Variants in KCNQ1OT1 observed in about 807,000 individuals in gnomAD.
KCNQ1OT1 encodes KCNQ1 opposite strand/antisense transcript 1, also known as KCNQ1 antisense RNA 2 (non-protein coding).
Position 2,674,968 on chromosome 11 carries a change from C to T in KCNQ1OT1, n.25027G>A, listed in dbSNP as rs910441727. 2.5e-6 allele frequency: 1 copy of T among 397,592 alleles called. No individual in the cohort carries two copies. Among genetic ancestry groups the T allele is most frequent in the Non-Finnish European group, 4.4e-6 (1 of 225,952 alleles). The allele number at this position is 397,592 out of a possible 1,614,324, so 24.6% of individuals were successfully genotyped here. A position where few individuals can be genotyped will look rare whatever the true frequency, so the allele number is the denominator to read the frequency against. ...GGGGCTGACTGGAGCTGTTTCTCTT[C>T]GTTTCCTCTTACAGTGGCGGGCACT... is the stretch of plus-strand genomic sequence containing the variant. On this transcript the variant is annotated non_coding_transcript_exon_variant, in exon 1 of 1. Coordinates refer to ENST00000597346, the Ensembl canonical transcript of KCNQ1OT1. The surrounding 1 kb of genome is among the most constrained non-coding windows in gnomAD (Gnocchi z 5.9).
At position 2,617,071 on chromosome 11, in the gene KCNQ1OT1, T is replaced by C; in HGVS notation, n.82924A>G. On this transcript the variant is annotated non_coding_transcript_exon_variant, in exon 1 of 1. Transcript: ENST00000597346. The surrounding 1 kb of genome is among the most constrained non-coding windows in gnomAD (Gnocchi z 4.6). Reference sequence around the variant, plus strand: ...TATGTCCATCATCTCACAGTTATTCTTTTGTGTGTATGAGTGAGAAAAGCT... The same window carrying C: ...TATGTCCATCATCTCACAGTTATTCCTTTGTGTGTATGAGTGAGAAAAGCT... 1 of 398,306 alleles carries C rather than the reference T, an allele frequency of 2.5e-6. No individual in the cohort carries two copies. Among genetic ancestry groups the C allele is most frequent in the Middle Eastern group, 6.3e-4 (1 of 1,584 alleles). The allele number at this position is 398,306 out of a possible 1,614,324, so 24.7% of individuals were successfully genotyped here. A position where few individuals can be genotyped will look rare whatever the true frequency, so the allele number is the denominator to read the frequency against.
chr11:2,656,899 T>C (rs1421345446), exon 1 of KCNQ1OT1: 8 of 398,514 alleles, frequency 2.0e-5, no homozygotes, highest in Admixed American at 4.4e-5. Flanking sequence ...TTTTGGTATA[T>C]GATGTGAGGT....
Position 2,624,368 on chromosome 11 carries a change from T to A in KCNQ1OT1, n.75627A>T. The stretch of plus-strand genomic sequence containing the variant: ...AGTATTGTCTCCCTTCTGTGGCCTG[T>A]CCTTTCATCCTCTTGACAGTATGTT... On this transcript the variant is annotated non_coding_transcript_exon_variant, in exon 1 of 1. Transcript: ENST00000597346. This position sits in a 1 kb window ranked among gnomAD's most constrained non-coding sequence, Gnocchi z 4.9. 7.5e-6 allele frequency: 3 copies of A among 398,568 alleles called. No homozygotes were observed. Among genetic ancestry groups the A allele is most frequent in the East Asian group, 3.6e-5 (1 of 28,052 alleles). The allele number at this position is 398,568 out of a possible 1,614,324, so 24.7% of individuals were successfully genotyped here.
exon 1 of KCNQ1OT1, chr11:2,650,039 T>G: frequency 2.5e-6 from 1 of 398,466 alleles, no homozygotes; most frequent in Non-Finnish European, 4.4e-6. Context: ...TCTTCAAATT[T>G]AGAAATTATT....
chr11:2,625,630 C>T lies in KCNQ1OT1; in HGVS notation n.74365G>A, dbSNP rs574412772. On this transcript the variant is annotated non_coding_transcript_exon_variant, in exon 1 of 1. Transcript: ENST00000597346. ...CTCACTCTGTTGCCCAAGCTGAGTG[C>T]AGTGGTGCCATCTCGGCTTACTGCA... 7.6e-6 allele frequency: 3 copies of T among 393,720 alleles called. No homozygotes were observed. In the Admixed American group the frequency reaches 1.4e-4, roughly 18 times the overall value. 24.4% of individuals were successfully genotyped at this position (393,720 alleles called of 1,614,324 possible). A position where few individuals can be genotyped will look rare whatever the true frequency, so the allele number is the denominator to read the frequency against.
exon 1 of KCNQ1OT1, chr11:2,699,370 G>T (rs1242272966): frequency 2.3e-5 from 9 of 399,750 alleles, no homozygotes; most frequent in Non-Finnish European, 2.6e-5. Flanking sequence ...CGTCCGCCCA[G>T]GTCCGTGCTG....
Position 2,624,435 on chromosome 11 carries a change from T to C in KCNQ1OT1, n.75560A>G. The C allele has an allele frequency of 7.5e-6, 3 of 398,506 alleles. No homozygotes were observed. Among genetic ancestry groups the C allele is most frequent in the Non-Finnish European group, 1.3e-5 (3 of 226,016 alleles). 24.7% of individuals were successfully genotyped at this position (398,506 alleles called of 1,614,324 possible). Reference sequence around the variant, plus strand: ...TTTATTTTTAACAAAGTCTAGCTTATCAATTATTTCTTTCATGAATCATGC... The same window carrying C: ...TTTATTTTTAACAAAGTCTAGCTTACCAATTATTTCTTTCATGAATCATGC... On this transcript the variant is annotated non_coding_transcript_exon_variant, in exon 1 of 1. Transcript: ENST00000597346. This position sits in a 1 kb window ranked among gnomAD's most constrained non-coding sequence, Gnocchi z 4.9.
chr11:2,653,646 A>C lies in KCNQ1OT1; in HGVS notation n.46349T>G, dbSNP rs919790507. 1.0e-5 allele frequency: 4 copies of C among 398,526 alleles called. No individual in the cohort carries two copies. Among genetic ancestry groups the C allele is most frequent in the African/African-American group, 6.2e-5 (3 of 48,614 alleles). 24.7% of individuals were successfully genotyped at this position (398,526 alleles called of 1,614,324 possible). Reference sequence around the variant, plus strand: ...TATCCTTAGGCAGCTACTTTCTAAAAGGGGCAAAATGGCCACCAGCTTGCA... The same window carrying C: ...TATCCTTAGGCAGCTACTTTCTAAACGGGGCAAAATGGCCACCAGCTTGCA... On this transcript the variant is annotated non_coding_transcript_exon_variant, in exon 1 of 1. Transcript: ENST00000597346. This position sits in a 1 kb window ranked among gnomAD's most constrained non-coding sequence, Gnocchi z 5.3.
At position 2,669,312 on chromosome 11, in the gene KCNQ1OT1, A is replaced by AT; in HGVS notation, n.30682dup. On this transcript the variant is annotated non_coding_transcript_exon_variant, in exon 1 of 1. Coordinates refer to ENST00000597346, the Ensembl canonical transcript of KCNQ1OT1. The surrounding 1 kb of genome is among the most constrained non-coding windows in gnomAD (Gnocchi z 5.6). ...CCTCACCATACATATGCCAGTTGCC[A>AT]TGGAAAGCCTCCTCTAGGCGCAGCA... The AT allele has an allele frequency of 2.5e-6, 1 of 398,604 alleles. No individual in the cohort carries two copies. The highest frequency in any genetic ancestry group is 4.4e-6 in the Non-Finnish European group (1 of 226,072). 24.7% of individuals were successfully genotyped at this position (398,604 alleles called of 1,614,324 possible). A position where few individuals can be genotyped will look rare whatever the true frequency, so the allele number is the denominator to read the frequency against.
Position 2,653,299 on chromosome 11 carries a change from T to C in KCNQ1OT1, n.46696A>G, listed in dbSNP as rs558032469. ...CTAGTGGGGGCAGTGCAGACCAGTTTAGCTATTTTGTAACCTTGACTGCCC... is the reference window on the plus strand; with the variant it reads ...CTAGTGGGGGCAGTGCAGACCAGTTCAGCTATTTTGTAACCTTGACTGCCC... On this transcript the variant is annotated non_coding_transcript_exon_variant, in exon 1 of 1. Coordinates refer to ENST00000597346, the Ensembl canonical transcript of KCNQ1OT1. The surrounding 1 kb of genome is among the most constrained non-coding windows in gnomAD (Gnocchi z 5.3). 1.8e-4 allele frequency: 72 copies of C among 398,574 alleles called. No individual in the cohort carries two copies. The highest frequency in any genetic ancestry group is 3.0e-4 in the Non-Finnish European group (67 of 226,108). 24.7% of individuals were successfully genotyped at this position (398,574 alleles called of 1,614,324 possible). A position where few individuals can be genotyped will look rare whatever the true frequency, so the allele number is the denominator to read the frequency against.
Position 2,657,913 on chromosome 11 carries a change from A to T in KCNQ1OT1, n.42082T>A. 2.5e-6 allele frequency: 1 copy of T among 398,612 alleles called. No individual in the cohort carries two copies. Among genetic ancestry groups the T allele is most frequent in the Non-Finnish European group, 4.4e-6 (1 of 226,058 alleles). 24.7% of individuals were successfully genotyped at this position (398,612 alleles called of 1,614,324 possible). A position where few individuals can be genotyped will look rare whatever the true frequency, so the allele number is the denominator to read the frequency against. On this transcript the variant is annotated non_coding_transcript_exon_variant, in exon 1 of 1. Coordinates refer to ENST00000597346, the Ensembl canonical transcript of KCNQ1OT1. This position sits in a 1 kb window ranked among gnomAD's most constrained non-coding sequence, Gnocchi z 4.8. ...GATGCTTTCCTCATTGTGGAACATG[A>T]CATCAACATGGTTTATCACTGGTAA... is the stretch of plus-strand genomic sequence containing the variant.
rs1849306335 is a variant in KCNQ1OT1, at chr11:2,628,919, G to C, written n.71076C>G. On this transcript the variant is annotated non_coding_transcript_exon_variant, in exon 1 of 1. Transcript: ENST00000597346. ...TTGGTGTCTTTGTCAAAGATTAGTT[G>C]ACCATAAATGTGTGGGTTTATTTCT... 5 of 398,218 alleles carry C rather than the reference G, an allele frequency of 1.3e-5. No homozygotes were observed. The East Asian group carries it at 1.8e-4, about 14-fold the overall frequency. 24.7% of individuals were successfully genotyped at this position (398,218 alleles called of 1,614,324 possible). A position where few individuals can be genotyped will look rare whatever the true frequency, so the allele number is the denominator to read the frequency against.
exon 1 of KCNQ1OT1, chr11:2,662,940 C>T (rs759951888): frequency 1.8e-5 from 7 of 398,530 alleles, no homozygotes; most frequent in Admixed American, 4.4e-5. Flanking sequence ...GTGTCTTTGT[C>T]GTAGTGAGGC....
chr11:2,618,341 A>G, exon 1 of KCNQ1OT1: 1 of 398,606 alleles, frequency 2.5e-6, no homozygotes, highest in Non-Finnish European at 4.4e-6. Context: ...TGTTTTAACA[A>G]AGTTTACAAA....
chr11:2,649,180 T>A, exon 1 of KCNQ1OT1: 1 of 398,342 alleles, frequency 2.5e-6, no homozygotes, highest in Non-Finnish European at 4.4e-6. Context: ...AGTATCTATC[T>A]TTCATTTGGG....
chr11:2,646,901 A>C (rs1364900024), exon 1 of KCNQ1OT1: 1 of 398,514 alleles, frequency 2.5e-6, no homozygotes, highest in Admixed American at 4.4e-5. Flanking sequence ...TGGAATCTTT[A>C]GGTTTTTCTA....
exon 1 of KCNQ1OT1, chr11:2,675,501 G>A: frequency 2.5e-6 from 1 of 398,654 alleles, no homozygotes; most frequent in East Asian, 3.6e-5. Flanking sequence ...AGACATAGCA[G>A]TCACAACATG....
At chr11:2,680,458 A>AT in exon 1 of KCNQ1OT1, 1 of 398,472 alleles carries the variant, frequency 2.5e-6, no homozygotes, top group Non-Finnish European at 4.4e-6. Flanking sequence ...GGGTATTTTT[A>AT]GGAGGACTAC....
exon 1 of KCNQ1OT1, chr11:2,655,884 C>G (rs1849837765): frequency 2.5e-6 from 1 of 398,576 alleles, no homozygotes; most frequent in South Asian, 1.3e-4. Context: ...CTTCTCTGCC[C>G]CTTGTTATAG....
Sources: allele counts gnomAD v4.1 joint callset, GRCh38; gene constraint gnomAD v4.1.1; non-coding constraint Gnocchi (gnomAD v3.1); transcripts MANE v1.5; gene names NCBI Gene and HGNC (gene_info 2026-07-23, HGNC 2026-07-21).